Variants in SORCS2 observed in about 807,000 individuals in gnomAD.
SORCS2 encodes the protein VPS10 domain-containing receptor SorCS2.
Under a neutral mutation model 141.6 loss-of-function variants are expected in SORCS2, and 100 were observed. The ratio of observed to expected loss-of-function variants is 0.71; its 90% confidence interval spans 0.60 to 0.83. The LOEUF (loss-of-function observed/expected upper bound fraction) is 0.83. Among genes scored for constraint, SORCS2 ranks in the 40% least tolerant of loss-of-function variants. The pLI is 0.00. For missense variants in SORCS2, 1,646 were observed against 1,560.2 expected (o/e 1.05, Z -0.93); for synonymous variants, 789 against 676.9 (o/e 1.17, Z -2.57).
chr4:7,723,441 G>A (rs780357360), intron 18 of SORCS2, among the ~76,000 whole-genome samples: 14 of 152,048 alleles, frequency 9.2e-5, no homozygotes, highest in East Asian at 1.9e-4. Context: ...CCTCTCTGCC[G>A]CTGGGTGATT....
At chr4:7,661,818 C>T (rs1722192576) in intron 6 of SORCS2, among the ~76,000 whole-genome samples, 1 of 152,208 alleles carries the variant, frequency 6.6e-6, no homozygotes, top group South Asian at 2.1e-4. Context: ...TTGAGTGTTT[C>T]CCACTCACTC....
At chr4:7,575,546 A>G (rs752282404) in intron 3 of SORCS2, among the ~76,000 whole-genome samples, 2 of 152,266 alleles carry the variant, frequency 1.3e-5, no homozygotes, top group Non-Finnish European at 2.9e-5. Flanking sequence ...GTAGGTTCAC[A>G]TACGCACATT....
At chr4:7,297,271 G>A (rs1717137641) in intron 1 of SORCS2, among the ~76,000 whole-genome samples, 1 of 152,184 alleles carries the variant, frequency 6.6e-6, no homozygotes, top group Non-Finnish European at 1.5e-5. Flanking sequence ...GAGCCTGAGG[G>A]AGGAATCGGT....
In SORCS2 at chr4:7,655,024, G is replaced by A. The variant is rs867825295; in HGVS notation, c.887+817G>A. On this transcript the variant is annotated intron_variant, in intron 5 of 26. Coordinates refer to ENST00000507866, the MANE Select transcript of SORCS2 (RefSeq NM_020777.3). Reference sequence around the variant, plus strand: ...TGCATCTATGAGGGCTGTGGAGGATGAGGGCTTGCCCAGGGTCTTAGGCAG... The same window carrying A: ...TGCATCTATGAGGGCTGTGGAGGATAAGGGCTTGCCCAGGGTCTTAGGCAG... Among the ~76,000 whole-genome samples the A allele has an allele frequency of 2.6e-5, 4 of 152,322 alleles. No individual in the cohort carries two copies. In the South Asian group the frequency reaches 6.2e-4, roughly 24 times the overall value.
At chr4:7,491,946 A>C (rs1388468168) in intron 2 of SORCS2, among the ~76,000 whole-genome samples, 1 of 152,130 alleles carries the variant, frequency 6.6e-6, no homozygotes, top group Non-Finnish European at 1.5e-5. Flanking sequence ...GAGCACCATG[A>C]ATGTTGGCCA....
At chr4:7,701,855 C>T (rs909469540) in intron 12 of SORCS2, among the ~76,000 whole-genome samples, 1 of 152,292 alleles carries the variant, frequency 6.6e-6, no homozygotes, top group Non-Finnish European at 1.5e-5. Context: ...ATGATTGTTC[C>T]CCAGCTGCCC....
rs192461301 is a variant in SORCS2 at position 7,381,680 on chromosome 4, C to A, written c.481-14608C>A. Among the ~76,000 whole-genome samples the A allele has an allele frequency of 2.0e-4, 31 of 152,344 alleles. No individual in the cohort carries two copies. The East Asian group carries it at 4.4e-3, about 22-fold the overall frequency. ...AAACAATTTCCCAGAAGAGCAGGCT[C>A]TTCTAATCCCAAGCCTCCCCAGATG... On this transcript the variant is annotated intron_variant, in intron 1 of 26. Coordinates refer to ENST00000507866, the MANE Select transcript of SORCS2 (RefSeq NM_020777.3).
intron 3 of SORCS2, among the ~76,000 whole-genome samples, chr4:7,556,740 G>T (rs1714137463): frequency 7.6e-6 from 1 of 132,284 alleles, no homozygotes; most frequent in African/African-American, 3.0e-5. Flanking sequence ...CCATCCATGT[G>T]TCCACCCATC....
intron 23 of SORCS2, among the ~76,000 whole-genome samples, 156 bp from the exon 24 acceptor site, chr4:7,733,166 C>T (rs1337026247): frequency 1.3e-5 from 2 of 148,972 alleles, no homozygotes; most frequent in Non-Finnish European, 3.0e-5. Context: ...CTCCCCCACC[C>T]CCCATGGAGG....
chr4:7,295,422 A>G (rs1247870197), intron 1 of SORCS2, among the ~76,000 whole-genome samples: 1 of 151,774 alleles, frequency 6.6e-6, no homozygotes, highest in Admixed American at 6.5e-5. Flanking sequence ...TTGTCCAGGG[A>G]TGAAGAGCCC....
intron 2 of SORCS2, among the ~76,000 whole-genome samples, chr4:7,416,812 A>G (rs562995956): frequency 6.6e-6 from 1 of 152,104 alleles, no homozygotes; most frequent in East Asian, 1.9e-4. Flanking sequence ...ACATGCATGC[A>G]TGTACACACT....
chr4:7,490,648 C>T (rs1202263847), intron 2 of SORCS2, among the ~76,000 whole-genome samples: 2 of 152,158 alleles, frequency 1.3e-5, no homozygotes, highest in African/African-American at 4.8e-5. Context: ...TAGCTCAGTT[C>T]CCAGTTCCAT....
intron 3 of SORCS2, among the ~76,000 whole-genome samples, chr4:7,601,910 A>G (rs1717715372): frequency 6.6e-6 from 1 of 152,190 alleles, no homozygotes. Context: ...TGTTTAACAA[A>G]GCACATCTTG....
rs1206980180 is a variant in SORCS2, at chr4:7,704,244, G to A, written c.1828G>A (p.Gly610Arg). The change falls in exon 14 of 27, where the codon GGG becomes AGG. Residue 610 changes from glycine to arginine, a missense_variant. Gly to Arg is a moderately radical substitution (Grantham distance 125). Transcript: ENST00000507866. ...NFTSTSVFVD[G>R]LLSEPGDETL... Reference sequence around the variant, plus strand: ...CACCAGCACCTCGGTGTTTGTGGACGGGCTGCTGAGTGAGCCAGGGGACGA... The same window carrying A: ...CACCAGCACCTCGGTGTTTGTGGACAGGCTGCTGAGTGAGCCAGGGGACGA... The A allele has an allele frequency of 3.7e-6, 6 of 1,612,906 alleles. No homozygotes were observed. In the East Asian group the frequency reaches 6.7e-5, roughly 18 times the overall value.
intron 1 of SORCS2, among the ~76,000 whole-genome samples, chr4:7,271,811 C>T (rs537259852): frequency 6.6e-6 from 1 of 152,336 alleles, no homozygotes; most frequent in South Asian, 2.1e-4. Context: ...ACGGCCTATG[C>T]CGGGGCCCGA....
rs1350614588 is a variant in SORCS2 at position 7,663,524 on chromosome 4, G to C, written c.953-829G>C. On this transcript the variant is annotated intron_variant, in intron 6 of 26. Coordinates refer to ENST00000507866, the MANE Select transcript of SORCS2 (RefSeq NM_020777.3). This position sits in a 1 kb window ranked among gnomAD's most constrained non-coding sequence, Gnocchi z 4.8. The stretch of plus-strand genomic sequence containing the variant: ...CTCAGGAGGGCTTGGCAGTGGCCTG[G>C]TGCTGCTGCCCACGTACCCTCTGTG... 6.6e-6 allele frequency among the ~76,000 whole-genome samples: 1 copy of C among 152,246 alleles called. No individual in the cohort carries two copies. Among genetic ancestry groups the C allele is most frequent in the South Asian group, 2.1e-4 (1 of 4,832 alleles).
chr4:7,415,814 T>C (rs1725630148), intron 2 of SORCS2, among the ~76,000 whole-genome samples: 2 of 152,248 alleles, frequency 1.3e-5, no homozygotes. Context: ...CTAGGCACTT[T>C]GCCAGGTCTT....
At chr4:7,426,306 G>T (rs1201624636) in intron 2 of SORCS2, among the ~76,000 whole-genome samples, 1 of 36,628 alleles carries the variant, frequency 2.7e-5, no homozygotes, top group East Asian at 2.8e-4. Context: ...TGAGCCAGGG[G>T]AGGCCCGAGG....
At chr4:7,412,477 C>A (rs1255546512) in intron 2 of SORCS2, among the ~76,000 whole-genome samples, 1 of 152,176 alleles carries the variant, frequency 6.6e-6, no homozygotes, top group African/African-American at 2.4e-5. Flanking sequence ...GCATTCTGAG[C>A]TCACAGCCAG....
Sources: allele counts gnomAD v4.1 joint callset (sites outside exome capture counted in the v4.1 genomes callset), GRCh38; gene constraint gnomAD v4.1.1; non-coding constraint Gnocchi (gnomAD v3.1); transcripts MANE v1.5; gene names NCBI Gene and HGNC (gene_info 2026-07-23, HGNC 2026-07-21).